The following EPB41 variants were observed in gnomAD, a reference collection of about 807,000 sequenced individuals.
EPB41 encodes the protein protein 4.1.
A neutral mutation model predicts 108.0 loss-of-function variants in EPB41; 65 were observed. The ratio of observed to expected loss-of-function variants is 0.60; its 90% CI spans 0.49 to 0.74. The LOEUF (loss-of-function observed/expected upper bound fraction) is 0.74. Among genes scored for constraint, EPB41 ranks in the 30% least tolerant of loss-of-function variants. The pLI, the probability that EPB41 is intolerant of heterozygous loss-of-function variation, is 0.00. For missense variants in EPB41, 875 were observed against 1,037.0 expected, an observed-to-expected ratio of 0.84 and a Z score of 2.15; for synonymous variants, 336 against 358.9, an observed-to-expected ratio of 0.94 and a Z score of 0.72.
intron 1 of EPB41, among the ~76,000 whole-genome samples, chr1:28,921,938 T>TTTTATATATATATATA (rs370726721): frequency 9.4e-4 from 96 of 102,640 alleles, no homozygotes; most frequent in African/African-American, 4.2e-3. Context: ...TTATGAAATT[T>TTTTATATATATATATA]TATATATATA....
At chr1:29,098,923 C>T (rs2151505206) in intron 17 of EPB41, among the ~76,000 whole-genome samples, 1 of 151,148 alleles carries the variant, frequency 6.6e-6, no homozygotes, top group Non-Finnish European at 1.5e-5. Flanking sequence ...TTGGGGCTCA[C>T]CATGTTGGCC....
At chr1:29,069,149 TC>T in intron 16 of EPB41, 2 of 1,231,576 alleles carry the variant, frequency 1.6e-6, no homozygotes, top group Non-Finnish European at 2.0e-6. Flanking sequence ...TTCCTTTTTT[TC>T]TTTTTTGCTG....
intron 15 of EPB41, 118 bp downstream of exon 15, chr1:29,060,602 A>G: frequency 3.6e-6 from 3 of 844,800 alleles, no homozygotes; most frequent in Non-Finnish European, 5.9e-6. Flanking sequence ...GCATGAAGGG[A>G]CTTTAGGTTT....
intron 16 of EPB41, 172 bp downstream of exon 16, chr1:29,065,330 C>A: frequency 8.0e-7 from 1 of 1,251,428 alleles, no homozygotes; most frequent in Non-Finnish European, 1.0e-6. Flanking sequence ...TTTTTTAAGT[C>A]AGGTAGGCTA....
At chr1:28,950,020 C>T (rs1238828085) in intron 1 of EPB41, among the ~76,000 whole-genome samples, 2 of 152,122 alleles carry the variant, frequency 1.3e-5, no homozygotes, top group Non-Finnish European at 2.9e-5. Context: ...TATCCATTTT[C>T]CTGATAATAG....
chr1:29,039,295 C>G lies in EPB41; in HGVS notation c.1505C>G (p.Ala502Gly). 3 of 1,614,066 alleles carry G rather than the reference C, an allele frequency of 1.9e-6. No homozygotes were observed. Among genetic ancestry groups the G allele is most frequent in the Admixed American group, 1.7e-5 (1 of 59,992 alleles). ...TDTIPKSKFL[A>G]LGSKFRYSGR... The stretch of plus-strand genomic sequence containing the variant: ...ACCATTCCCAAAAGCAAATTTCTTG[C>G]GCTAGGATCCAAATTTCGATACAGT... Residue 502 changes from alanine to glycine, a missense_variant, in exon 11 of 21, where the codon GCG becomes GGG. Ala to Gly is a moderately conservative substitution (Grantham distance 60). Transcript: ENST00000343067.
chr1:28,903,985 G>A (rs1404707436), intron 1 of EPB41, among the ~76,000 whole-genome samples: 1 of 151,956 alleles, frequency 6.6e-6, no homozygotes, highest in East Asian at 1.9e-4. Context: ...TCCTGCCTCA[G>A]CCTCCCGAGT....
chr1:29,099,149 A>G (rs986961324), intron 17 of EPB41, among the ~76,000 whole-genome samples: 3 of 150,806 alleles, frequency 2.0e-5, no homozygotes, highest in African/African-American at 7.3e-5. Context: ...TCTACTAAAA[A>G]TACAAAAATT....
At chr1:29,000,367 T>A (rs2096271901) in intron 4 of EPB41, among the ~76,000 whole-genome samples, 1 of 152,268 alleles carries the variant, frequency 6.6e-6, no homozygotes, top group Admixed American at 6.5e-5. Flanking sequence ...CCCAAAGTGC[T>A]GGGATTACAG....
intron 7 of EPB41, among the ~76,000 whole-genome samples, chr1:29,022,755 A>G (rs1404243389): frequency 6.6e-6 from 1 of 151,938 alleles, no homozygotes; most frequent in Non-Finnish European, 1.5e-5. Context: ...TTAAATTCAT[A>G]GTCACCCCTT....
intron 1 of EPB41, among the ~76,000 whole-genome samples, chr1:28,892,438 G>T (rs962298584): frequency 6.6e-6 from 1 of 152,034 alleles, no homozygotes; most frequent in Admixed American, 6.6e-5. Context: ...AAGTAAAAAC[G>T]AGGCCAGGCG....
At chr1:29,092,013 C>CT (rs930087757) in intron 16 of EPB41, among the ~76,000 whole-genome samples, 19 of 151,784 alleles carry the variant, frequency 1.3e-4, no homozygotes, top group Admixed American at 3.3e-4. Context: ...AATATAATAC[C>CT]TATAACATTG....
intron 18 of EPB41, among the ~76,000 whole-genome samples, chr1:29,111,206 T>C (rs1468709398): frequency 1.3e-5 from 2 of 151,642 alleles, no homozygotes; most frequent in Admixed American, 1.3e-4. Context: ...AATTAAAATG[T>C]ATAGCATCAG....
At chr1:28,938,684 C>A (rs898632264) in intron 1 of EPB41, among the ~76,000 whole-genome samples, 1 of 152,044 alleles carries the variant, frequency 6.6e-6, no homozygotes, top group Non-Finnish European at 1.5e-5. Context: ...AGGCATATGT[C>A]ACCACGCCTG....
intron 11 of EPB41, among the ~76,000 whole-genome samples, chr1:29,041,774 A>G (rs1005293806): frequency 6.6e-6 from 1 of 152,206 alleles, no homozygotes; most frequent in African/African-American, 2.4e-5. Context: ...CCTGATTCCA[A>G]TATCAACCCT....
chr1:28,947,400 C>G (rs1338069087), intron 1 of EPB41, among the ~76,000 whole-genome samples: 3 of 136,778 alleles, frequency 2.2e-5, no homozygotes, highest in Non-Finnish European at 4.7e-5. Flanking sequence ...GAGCGAGACT[C>G]CGTCTCAGAC....
chr1:28,972,283 T>C (rs969983630), intron 1 of EPB41, among the ~76,000 whole-genome samples: 3 of 152,228 alleles, frequency 2.0e-5, no homozygotes, highest in Admixed American at 2.0e-4. Context: ...GAATTTTTTT[T>C]GTTTCACATT....
At chr1:29,077,449 A>G (rs1006066415) in intron 16 of EPB41, among the ~76,000 whole-genome samples, 1 of 152,216 alleles carries the variant, frequency 6.6e-6, no homozygotes. Context: ...ATAATGAGCT[A>G]TTCTCACTCT....
intron 1 of EPB41, among the ~76,000 whole-genome samples, chr1:28,931,711 T>C (rs2093757485): frequency 6.6e-6 from 1 of 151,620 alleles, no homozygotes. Flanking sequence ...TTTTTTTGTA[T>C]TGTTGGTAGA....
Sources: gnomAD v4.1 joint callset for allele counts (sites outside exome capture counted in the v4.1 genomes callset) on GRCh38, gnomAD v4.1.1 for gene constraint, MANE v1.5 for transcripts, NCBI Gene and HGNC (gene_info 2026-07-23, HGNC 2026-07-21) for gene names.